FHIP2A: variants seen among roughly 807,000 people sequenced by gnomAD.
FHIP2A encodes the protein FHF complex subunit HOOK interacting protein 2A, also known as family with sequence similarity 160 member B1.
FHIP2A carries 46 observed loss-of-function variants against 93.5 expected under a neutral mutation model. That is an observed-to-expected ratio of 0.49 (90% CI 0.39 to 0.63). The LOEUF is 0.63. Ranked by LOEUF, FHIP2A falls within the 20% of genes least tolerant of loss-of-function variation. The probability of loss-of-function intolerance (pLI) is 0.00; values close to 1 mark genes in which losing one functional copy is unlikely to be tolerated. For synonymous variants in FHIP2A, 332 were observed against 326.5 expected (o/e 1.02, Z -0.18); for missense variants, 769 against 909.7 (o/e 0.85, Z 1.99).
intron 5 of FHIP2A, among the ~76,000 whole-genome samples, chr10:114,839,786 G>C (rs906833066): frequency 1.3e-5 from 2 of 151,060 alleles, no homozygotes; most frequent in African/African-American, 4.9e-5. Context: ...GGAGGCTGAG[G>C]CAGGAGAATT....
intron 16 of FHIP2A, among the ~76,000 whole-genome samples, chr10:114,885,256 G>A (rs542076494): frequency 1.6e-4 from 24 of 152,094 alleles, no homozygotes; most frequent in African/African-American, 5.1e-4. Flanking sequence ...TTAGCTGGGC[G>A]TGGTAGCAAG....
chr10:114,842,846 G>A, intron 5 of FHIP2A, 87 bp from the exon 6 acceptor site: 1 of 854,540 alleles, frequency 1.2e-6, no homozygotes, highest in Non-Finnish European at 1.8e-6. Context: ...TAGGCATGTG[G>A]AATGTTATAG....
At chr10:114,850,941 T>TCG (rs945854932) in intron 13 of FHIP2A, among the ~76,000 whole-genome samples, 1 of 152,138 alleles carries the variant, frequency 6.6e-6, no homozygotes, top group African/African-American at 2.4e-5. Flanking sequence ...GGAGACAGAG[T>TCG]CGCGCTCTGT....
At chr10:114,886,368 T>C (rs1408600872) in intron 16 of FHIP2A, among the ~76,000 whole-genome samples, 1 of 147,210 alleles carries the variant, frequency 6.8e-6, no homozygotes, top group African/African-American at 2.7e-5. Flanking sequence ...TATTTGGCTA[T>C]TTTTTTTAAT....
In FHIP2A at chr10:114,862,768, A is replaced by AT. The variant is rs2083807953; in HGVS notation, c.*1230dup. The AT allele has an allele frequency of 1.0e-6, 1 of 985,234 alleles. No individual in the cohort carries two copies. Among genetic ancestry groups the AT allele is most frequent in the Non-Finnish European group, 1.2e-6 (1 of 829,912 alleles). The allele number at this position is 985,234 out of a possible 1,614,324, so 61.0% of individuals were successfully genotyped here. A position where few individuals can be genotyped will look rare whatever the true frequency, so the allele number is the denominator to read the frequency against. ...ATCACTCAAATAATGCTTTTAAGCT[A>AT]TTGTTTGTTTTTATTTGACATGTTA... is the stretch of plus-strand genomic sequence containing the variant. On this transcript the variant is annotated 3_prime_UTR_variant, in exon 17 of 17. Coordinates refer to ENST00000369248, the MANE Select transcript of FHIP2A (RefSeq NM_020940.4).
At chr10:114,843,423 GC>G (rs1459443098) in intron 6 of FHIP2A, among the ~76,000 whole-genome samples, 197 bp downstream of exon 6, 3 of 151,532 alleles carry the variant, frequency 2.0e-5, no homozygotes, top group Non-Finnish European at 2.9e-5. Context: ...TCCTGCCTCA[GC>G]CTCCCTAGTA....
intron 5 of FHIP2A, 85 bp downstream of exon 5, chr10:114,836,331 G>T: frequency 8.9e-7 from 1 of 1,124,774 alleles, no homozygotes; most frequent in Admixed American, 2.1e-5. Context: ...ATATTAGAAG[G>T]AGCTCTGTTT....
chr10:114,842,537 C>A (rs35319791), intron 5 of FHIP2A, among the ~76,000 whole-genome samples: 62,214 of 151,990 alleles, frequency 0.41, 13,335 homozygotes, highest in Non-Finnish European at 0.48. Context: ...CCACCCCCCC[C>A]ACCCTATGAT....
intron 16 of FHIP2A, among the ~76,000 whole-genome samples, chr10:114,891,061 G>C (rs2083969930): frequency 6.6e-6 from 1 of 151,446 alleles, no homozygotes; most frequent in Admixed American, 6.6e-5. Context: ...GGGCATGGTG[G>C]TGCCACTTGA....
intron 16 of FHIP2A, among the ~76,000 whole-genome samples, chr10:114,885,858 G>C (rs2083940341): frequency 6.6e-6 from 1 of 152,184 alleles, no homozygotes; most frequent in Non-Finnish European, 1.5e-5. Flanking sequence ...GAAAGCAATA[G>C]GCTTTGCAAC....
chr10:114,844,603 G>C (rs1374066889), intron 7 of FHIP2A, among the ~76,000 whole-genome samples: 4 of 152,032 alleles, frequency 2.6e-5, no homozygotes, highest in African/African-American at 7.2e-5. Context: ...TTGCATTTTA[G>C]GGCAGGAAGA....
At chr10:114,861,117 T>C in intron 15 of FHIP2A, 114 bp from the exon 16 acceptor site, 1 of 1,369,058 alleles carries the variant, frequency 7.3e-7, no homozygotes, top group Non-Finnish European at 9.9e-7. Context: ...ATATGAGTAG[T>C]GAAAGTTTAC....
chr10:114,864,108 A>G lies in FHIP2A; in HGVS notation c.*2568A>G. 1.1e-6 allele frequency: 1 copy of G among 916,762 alleles called. No homozygotes were observed. Among genetic ancestry groups the G allele is most frequent in the Non-Finnish European group, 1.3e-6 (1 of 766,586 alleles). The allele number at this position is 916,762 out of a possible 1,614,324, so 56.8% of individuals were successfully genotyped here. ...TTTAATTGTACATTATTGTGTGTGT[A>G]TATATGTATATATGTATATATATAA... On this transcript the variant is annotated 3_prime_UTR_variant, in exon 17 of 17. Transcript: ENST00000369248.
chr10:114,826,144 T>C (rs2083574465), intron 1 of FHIP2A, among the ~76,000 whole-genome samples: 1 of 152,224 alleles, frequency 6.6e-6, no homozygotes, highest in Non-Finnish European at 1.5e-5. Flanking sequence ...ATTCAGCACA[T>C]GTCTTCTGAG....
chr10:114,878,614 A>C (rs1171473550), intron 16 of FHIP2A, among the ~76,000 whole-genome samples: 1 of 152,106 alleles, frequency 6.6e-6, no homozygotes, highest in Non-Finnish European at 1.5e-5. Flanking sequence ...CCCCGTCTCT[A>C]CTAAAAATAC....
At chr10:114,888,917 T>G (rs912747023) in intron 16 of FHIP2A, among the ~76,000 whole-genome samples, 1 of 152,168 alleles carries the variant, frequency 6.6e-6, no homozygotes, top group Non-Finnish European at 1.5e-5. Flanking sequence ...GTGGAACTTT[T>G]GAGGTTTGTC....
At chr10:114,889,397 C>G (rs1488571950) in intron 16 of FHIP2A, among the ~76,000 whole-genome samples, 1 of 152,180 alleles carries the variant, frequency 6.6e-6, no homozygotes, top group African/African-American at 2.4e-5. Context: ...ATGAGACAGG[C>G]ACTCTCTCTC....
chr10:114,844,175 T>C (rs891508594), intron 7 of FHIP2A, among the ~76,000 whole-genome samples: 4 of 152,222 alleles, frequency 2.6e-5, no homozygotes, highest in African/African-American at 9.6e-5. Context: ...GATCAATTTT[T>C]AAGGGCTTAC....
At chr10:114,899,616 C>A (rs895765873) in exon 17 of FHIP2A, 24 of 699,332 alleles carry the variant, frequency 3.4e-5, no homozygotes, top group Admixed American at 2.8e-4. Flanking sequence ...AACTGCCCAC[C>A]CTTGAACCAA....
Sources: gnomAD v4.1 joint callset for allele counts (sites outside exome capture counted in the v4.1 genomes callset) on GRCh38, gnomAD v4.1.1 for gene constraint, MANE v1.5 for transcripts, NCBI Gene and HGNC (gene_info 2026-07-23, HGNC 2026-07-21) for gene names.